Variants in NPEPPS observed in about 807,000 individuals in gnomAD.
The protein encoded by NPEPPS is aminopeptidase puromycin sensitive, also known as puromycin-sensitive aminopeptidase.
NPEPPS carries 14 observed loss-of-function variants against 115.5 expected under a neutral mutation model. The ratio of observed to expected loss-of-function variants is 0.12; its 90% CI spans 0.08 to 0.19. NPEPPS has a LOEUF of 0.19. Ranked by LOEUF, NPEPPS falls within the 10% of genes least tolerant of loss-of-function variation. The pLI is 1.00. For missense variants in NPEPPS, 523 were observed against 1,110.8 expected, an observed-to-expected ratio of 0.47 and a Z score of 7.52; for synonymous variants, 285 against 390.6, an observed-to-expected ratio of 0.73 and a Z score of 3.19.
intron 3 of NPEPPS, among the ~76,000 whole-genome samples, chr17:47,572,046 C>T (rs1180912134): frequency 6.6e-6 from 1 of 152,042 alleles, no homozygotes; most frequent in Non-Finnish European, 1.5e-5. Context: ...AGCGGGCAGC[C>T]ACTCTCTGTA....
Position 47,576,584 on chromosome 17 carries a change from C to G in NPEPPS, c.419-2806C>G, listed in dbSNP as rs373670968. On this transcript the variant is annotated intron_variant, in intron 3 of 22. Coordinates refer to ENST00000322157, the MANE Select transcript of NPEPPS (RefSeq NM_006310.4). ...CTTTATTTTTATAGCATTTAGTAGG[C>G]TCATTAAATTTATTATTATTAAAGT... Among the ~76,000 whole-genome samples the G allele has an allele frequency of 4.4e-4, 67 of 152,236 alleles. 1 individual carries two copies. In the South Asian group the frequency reaches 0.012, roughly 27 times the overall value.
chr17:47,619,599 G>A lies in NPEPPS; in HGVS notation c.2560-138G>A, dbSNP rs1235706255. 3 of 725,032 alleles carry A rather than the reference G, an allele frequency of 4.1e-6. No individual in the cohort carries two copies. The East Asian group carries it at 7.5e-5, about 18-fold the overall frequency. 44.9% of individuals were successfully genotyped at this position (725,032 alleles called of 1,614,324 possible). Reference sequence around the variant, plus strand: ...TAAATAGTTACTGGCTTTATTTAAGGACTTCTCCATCTCCCATCACACATC... The same window carrying A: ...TAAATAGTTACTGGCTTTATTTAAGAACTTCTCCATCTCCCATCACACATC... On this transcript the variant is annotated intron_variant, in intron 21 of 22. Transcript: ENST00000322157.
At chr17:47,595,614 A>G (rs936504957) in intron 12 of NPEPPS, among the ~76,000 whole-genome samples, 5 of 152,108 alleles carry the variant, frequency 3.3e-5, no homozygotes, top group Admixed American at 6.6e-5. Flanking sequence ...AGGCTGAGGC[A>G]GGTGGATTGC....
chr17:47,613,129 T>A (rs1200408699), intron 18 of NPEPPS, among the ~76,000 whole-genome samples: 1 of 152,184 alleles, frequency 6.6e-6, no homozygotes, highest in African/African-American at 2.4e-5. Flanking sequence ...GAAAGGTGAT[T>A]AGCTGTGCAC....
intron 17 of NPEPPS, among the ~76,000 whole-genome samples, chr17:47,607,991 T>A (rs1033007783): frequency 6.6e-6 from 1 of 151,932 alleles, no homozygotes; most frequent in African/African-American, 2.4e-5. Flanking sequence ...ACTACAGGCA[T>A]GCACCATACC....
intron 5 of NPEPPS, among the ~76,000 whole-genome samples, chr17:47,583,404 G>C (rs1912006259): frequency 6.6e-6 from 1 of 151,952 alleles, no homozygotes; most frequent in Admixed American, 6.6e-5. Context: ...GGCCAACATG[G>C]TGAAAACCTG....
chr17:47,603,609 T>C (rs1319771168), intron 15 of NPEPPS: 2 of 223,202 alleles, frequency 9.0e-6, no homozygotes, highest in East Asian at 9.8e-5. Context: ...TTTTCATATA[T>C]ATTAAGTATT....
rs146844528 is a variant in NPEPPS, at chr17:47,588,991, A to T, written c.1095+1647A>T. 8.5e-3 allele frequency among the ~76,000 whole-genome samples: 1,299 copies of T among 152,292 alleles called. 16 individuals carry two copies. Among genetic ancestry groups the T allele is most frequent in the African/African-American group, 0.03 (1,243 of 41,538 alleles). On this transcript the variant is annotated intron_variant, in intron 9 of 22. Transcript: ENST00000322157. ...GAGTGCAATGGCACAATCATGGTTC[A>T]TTACAGTCTTTACCTCTGGGCTCAA...
In NPEPPS at chr17:47,622,977, CTG is replaced by C. The variant is rs1255332495; in HGVS notation, c.*1059_*1060del. On this transcript the variant is annotated 3_prime_UTR_variant, in exon 23 of 23. Transcript: ENST00000322157. ...TGGTAACTGGTTTAAAAAACAAAGA[CTG>C]TAAGCCTGTGTGTGCCACTGTTTGC... The C allele has an allele frequency of 4.4e-6, 2 of 454,464 alleles. No homozygotes were observed. Among genetic ancestry groups the C allele is most frequent in the Admixed American group, 2.4e-5 (1 of 42,162 alleles). The allele number at this position is 454,464 out of a possible 1,614,324, so 28.2% of individuals were successfully genotyped here.
intron 12 of NPEPPS, among the ~76,000 whole-genome samples, chr17:47,595,052 T>C (rs1912775814): frequency 6.6e-6 from 1 of 152,144 alleles, no homozygotes; most frequent in Non-Finnish European, 1.5e-5. Flanking sequence ...TGTCTCAGCC[T>C]CCCAAGTAGC....
intron 2 of NPEPPS, among the ~76,000 whole-genome samples, chr17:47,556,109 G>A (rs1221646695): frequency 1.5e-5 from 2 of 136,440 alleles, no homozygotes; most frequent in Admixed American, 1.6e-4. Context: ...CATCATTCTT[G>A]GGTGTTTCTT....
intron 22 of NPEPPS, among the ~76,000 whole-genome samples, chr17:47,621,559 G>A (rs1439940526): frequency 1.3e-5 from 2 of 152,098 alleles, no homozygotes; most frequent in East Asian, 3.8e-4. Context: ...CTTTTGATTA[G>A]GTTGTTAAGC....
At chr17:47,523,753 C>A (rs1907313021) in intron 1 of NPEPPS, among the ~76,000 whole-genome samples, 1 of 152,082 alleles carries the variant, frequency 6.6e-6, no homozygotes, top group Non-Finnish European at 1.5e-5. Context: ...AATTCTCAAA[C>A]CACTGGAGAA....
At chr17:47,542,184 A>T (rs1338703861) in intron 1 of NPEPPS, among the ~76,000 whole-genome samples, 1 of 152,156 alleles carries the variant, frequency 6.6e-6, no homozygotes, top group Non-Finnish European at 1.5e-5. Flanking sequence ...TGAAAACTTG[A>T]ATTAGTTACC....
chr17:47,531,215 C>G lies in NPEPPS; in HGVS notation c.-86C>G. ...CAGTCCGCCCGCACCGCCTCCTTCCCAGCCCCTAGCGCTCCGGCTGGGTCT... is the reference window on the plus strand; with the variant it reads ...CAGTCCGCCCGCACCGCCTCCTTCCGAGCCCCTAGCGCTCCGGCTGGGTCT... On this transcript the variant is annotated 5_prime_UTR_variant, in exon 1 of 23. Coordinates refer to ENST00000322157, the MANE Select transcript of NPEPPS (RefSeq NM_006310.4). 3 of 1,467,346 alleles carry G rather than the reference C, an allele frequency of 2.0e-6. No individual in the cohort carries two copies. Among genetic ancestry groups the G allele is most frequent in the East Asian group, 5.2e-5 (2 of 38,530 alleles). The allele number at this position is 1,467,346 out of a possible 1,614,324, so 90.9% of individuals were successfully genotyped here.
At position 47,561,311 on chromosome 17, in the gene NPEPPS, A is replaced by G. The variant is rs1235962767; in HGVS notation, c.341-8106A>G. On this transcript the variant is annotated intron_variant, in intron 2 of 22. Coordinates refer to ENST00000322157, the MANE Select transcript of NPEPPS (RefSeq NM_006310.4). ...GAGGATTGCTTGAGCCCAGGAGTTCAAGACAAGCCTAGGCAATGCAGTGAG... is the reference window on the plus strand; with the variant it reads ...GAGGATTGCTTGAGCCCAGGAGTTCGAGACAAGCCTAGGCAATGCAGTGAG... Among the ~76,000 whole-genome samples the G allele has an allele frequency of 4.2e-4, 63 of 149,950 alleles. 1 individual carries two copies. Among genetic ancestry groups the G allele is most frequent in the African/African-American group, 1.4e-3 (58 of 40,588 alleles).
At chr17:47,548,855 G>A (rs1322138758) in intron 2 of NPEPPS, among the ~76,000 whole-genome samples, 3 of 151,916 alleles carry the variant, frequency 2.0e-5, no homozygotes, top group Admixed American at 6.6e-5. Flanking sequence ...GATTACAGGC[G>A]TGAGCCACTG....
intron 1 of NPEPPS, among the ~76,000 whole-genome samples, chr17:47,544,474 C>A (rs1170582429): frequency 2.6e-5 from 4 of 151,464 alleles, no homozygotes; most frequent in South Asian, 4.2e-4. Flanking sequence ...AGAAATGTTT[C>A]CTAATTAAGA....
chr17:47,615,684 T>G (rs1478040535), intron 19 of NPEPPS, among the ~76,000 whole-genome samples: 1 of 152,234 alleles, frequency 6.6e-6, no homozygotes, highest in African/African-American at 2.4e-5. Context: ...ATATTTGATT[T>G]TTTTCCATCT....
Sources: gnomAD v4.1 joint callset for allele counts (sites outside exome capture counted in the v4.1 genomes callset) on GRCh38, gnomAD v4.1.1 for gene constraint, MANE v1.5 for transcripts, NCBI Gene and HGNC (gene_info 2026-07-23, HGNC 2026-07-21) for gene names.